The following MYRIP variants were observed in gnomAD, a reference collection of about 807,000 sequenced individuals.
The protein encoded by MYRIP is myosin VIIA and Rab interacting protein.
In MYRIP, 49 loss-of-function variants were observed where a neutral mutation model predicts 98.0. The ratio of observed to expected loss-of-function variants is 0.50; its 90% confidence interval spans 0.40 to 0.63. The LOEUF (loss-of-function observed/expected upper bound fraction) is 0.63. Ranked by LOEUF, MYRIP falls within the 30% of genes least tolerant of loss-of-function variation. The probability of loss-of-function intolerance (pLI) is 0.00; values close to 1 mark genes in which losing one functional copy is unlikely to be tolerated. For synonymous variants in MYRIP, 404 were observed against 409.5 expected (o/e 0.99, Z 0.16); for missense variants, 1,004 against 1,058.2 (o/e 0.95, Z 0.71).
chr3:40,132,589 G>A (rs1949668376), intron 3 of MYRIP, among the ~76,000 whole-genome samples: 1 of 152,256 alleles, frequency 6.6e-6, no homozygotes, highest in Non-Finnish European at 1.5e-5. Flanking sequence ...TACAGGCCCT[G>A]GGTTCCCCTA....
chr3:40,179,788 C>T (rs766841147), intron 8 of MYRIP, among the ~76,000 whole-genome samples: 31 of 152,158 alleles, frequency 2.0e-4, no homozygotes, highest in African/African-American at 4.6e-4. Flanking sequence ...CAGTGCACAA[C>T]GATAACAGTG....
chr3:39,983,861 T>G (rs1276275340), intron 2 of MYRIP, among the ~76,000 whole-genome samples: 2 of 152,204 alleles, frequency 1.3e-5, no homozygotes, highest in African/African-American at 4.8e-5. Flanking sequence ...AATCTAAAAT[T>G]AGGTGTCAGG....
intron 1 of MYRIP, among the ~76,000 whole-genome samples, chr3:39,864,448 A>G (rs1409085115): frequency 6.6e-6 from 1 of 152,096 alleles, no homozygotes; most frequent in Non-Finnish European, 1.5e-5. Flanking sequence ...CTTTACAATA[A>G]AGTTTCAGGA....
At chr3:40,136,720 AT>A (rs1949782107) in intron 3 of MYRIP, among the ~76,000 whole-genome samples, 1 of 152,114 alleles carries the variant, frequency 6.6e-6, no homozygotes, top group Non-Finnish European at 1.5e-5. Context: ...AGAACTCAGG[AT>A]TAAGAAACTC....
At chr3:40,142,520 T>C (rs1460329687) in intron 3 of MYRIP, among the ~76,000 whole-genome samples, 1 of 152,126 alleles carries the variant, frequency 6.6e-6, no homozygotes, top group African/African-American at 2.4e-5. Context: ...TGGAGAGCAG[T>C]GGTGCAATCT....
At chr3:40,058,080 T>C (rs9863428) in intron 3 of MYRIP, among the ~76,000 whole-genome samples, 44,246 of 152,132 alleles carry the variant, frequency 0.29, 6,523 homozygotes, top group East Asian at 0.36. Context: ...CATATCATTG[T>C]TTATGATTAT....
chr3:40,162,732 G>A lies in MYRIP; in HGVS notation c.472G>A (p.Gly158Arg). 6.2e-7 allele frequency: 1 copy of A among 1,613,968 alleles called. No individual in the cohort carries two copies. Among genetic ancestry groups the A allele is most frequent in the African/African-American group, 1.3e-5 (1 of 75,024 alleles). ...ESGACFDILG[G>R]SLFESNLENE... ...TTCTCCCACCCCTACCCTGCCAGGAGGAAGCCTTTTTGAGTCAAACCTGGA... is the reference window on the plus strand; with the variant it reads ...TTCTCCCACCCCTACCCTGCCAGGAAGAAGCCTTTTTGAGTCAAACCTGGA... Residue 158 changes from glycine (G) to arginine (R), a missense_variant and splice_region_variant, in exon 5 of 17, where the codon GGA becomes AGA. Gly to Arg is a moderately radical substitution (Grantham distance 125, BLOSUM62 -2). Coordinates refer to ENST00000302541, the MANE Select transcript of MYRIP (RefSeq NM_015460.4).
chr3:40,135,572 A>G (rs972022606), intron 3 of MYRIP, among the ~76,000 whole-genome samples: 1 of 152,214 alleles, frequency 6.6e-6, no homozygotes, highest in Admixed American at 6.5e-5. Context: ...ACTCCAAGAC[A>G]CAAAATTGTC....
At chr3:39,885,493 C>T (rs578149882) in intron 1 of MYRIP, among the ~76,000 whole-genome samples, 4 of 151,944 alleles carry the variant, frequency 2.6e-5, no homozygotes, top group African/African-American at 9.7e-5. Context: ...GCTCTTCTCG[C>T]GGAGTATCTT....
chr3:40,124,668 G>A (rs1243146744), intron 3 of MYRIP, among the ~76,000 whole-genome samples: 3 of 152,216 alleles, frequency 2.0e-5, no homozygotes, highest in Non-Finnish European at 2.9e-5. Flanking sequence ...TTTGGTGTAT[G>A]CCTGGCAGGG....
At chr3:39,971,200 G>A (rs6599073) in intron 2 of MYRIP, among the ~76,000 whole-genome samples, 1 of 151,874 alleles carries the variant, frequency 6.6e-6, no homozygotes, top group Non-Finnish European at 1.5e-5. Flanking sequence ...GGTCCATAAG[G>A]GTCTAAAGTT....
At chr3:39,956,777 G>C (rs79334306) in intron 2 of MYRIP, among the ~76,000 whole-genome samples, 2 of 151,374 alleles carry the variant, frequency 1.3e-5, no homozygotes, top group Non-Finnish European at 2.9e-5. Flanking sequence ...TTGATAGACC[G>C]CTAGCAAGAC....
chr3:39,988,447 A>G (rs886736413), intron 2 of MYRIP, among the ~76,000 whole-genome samples: 6 of 151,952 alleles, frequency 3.9e-5, no homozygotes, highest in Non-Finnish European at 7.4e-5. Context: ...TACGCTTACC[A>G]CTTTTTCCTT....
chr3:40,198,214 A>G (rs1951453554), intron 10 of MYRIP, among the ~76,000 whole-genome samples: 1 of 125,364 alleles, frequency 8.0e-6, no homozygotes, highest in East Asian at 2.0e-4. Flanking sequence ...ACAGGGAAGC[A>G]CCGAGGGCAG....
chr3:39,947,784 C>T (rs549900170), intron 2 of MYRIP, among the ~76,000 whole-genome samples: 207 of 152,152 alleles, frequency 1.4e-3, no homozygotes, highest in South Asian at 7.5e-3. Context: ...GAAATGAAAA[C>T]GAAAATAAAA....
At chr3:39,918,698 T>C (rs1164290596) in intron 2 of MYRIP, among the ~76,000 whole-genome samples, 1 of 152,192 alleles carries the variant, frequency 6.6e-6, no homozygotes, top group Non-Finnish European at 1.5e-5. Flanking sequence ...AAAGATAAGA[T>C]GGTTGATGCT....
intron 1 of MYRIP, among the ~76,000 whole-genome samples, chr3:39,843,390 GA>G (rs1393237525): frequency 1.3e-5 from 2 of 151,958 alleles, no homozygotes; most frequent in African/African-American, 2.4e-5. Flanking sequence ...GAAAGAAAAA[GA>G]AAAAAAGAAA....
chr3:40,015,396 G>T (rs1946841059), intron 2 of MYRIP, among the ~76,000 whole-genome samples: 1 of 152,212 alleles, frequency 6.6e-6, no homozygotes, highest in Non-Finnish European at 1.5e-5. Context: ...AGTGAGAGAA[G>T]CTTTGATCAG....
intron 8 of MYRIP, among the ~76,000 whole-genome samples, chr3:40,181,041 A>G (rs1342697446): frequency 1.3e-5 from 2 of 152,140 alleles, no homozygotes; most frequent in African/African-American, 4.8e-5. Context: ...CTTAAAGCTC[A>G]GTGTTGTCAC....
Sources: allele counts gnomAD v4.1 joint callset (sites outside exome capture counted in the v4.1 genomes callset), GRCh38; gene constraint gnomAD v4.1.1; transcripts MANE v1.5; gene names NCBI Gene and HGNC (gene_info 2026-07-23, HGNC 2026-07-21).